PTK2: variants seen among roughly 807,000 people sequenced by gnomAD.
The protein encoded by PTK2 is focal adhesion kinase 1.
A neutral mutation model predicts 150.1 loss-of-function variants in PTK2; 45 were observed. The ratio of observed to expected loss-of-function variants is 0.30; its 90% CI spans 0.24 to 0.38. The LOEUF (loss-of-function observed/expected upper bound fraction) is 0.38. Among genes scored for constraint, PTK2 ranks in the 10% least tolerant of loss-of-function variants. PTK2 has a pLI of 1.00. For synonymous variants in PTK2, 432 were observed against 449.2 expected (o/e 0.96, Z 0.48); for missense variants, 919 against 1,307.3 (o/e 0.70, Z 4.58).
chr8:140,918,328 C>T (rs930479726), intron 2 of PTK2, among the ~76,000 whole-genome samples: 3 of 152,188 alleles, frequency 2.0e-5, no homozygotes, highest in African/African-American at 7.2e-5. Context: ...ACTCTTTAGT[C>T]CTTCCTAGCC....
intron 16 of PTK2, among the ~76,000 whole-genome samples, chr8:140,759,550 A>G (rs1490562340): frequency 1.3e-5 from 2 of 150,780 alleles, no homozygotes; most frequent in Non-Finnish European, 3.0e-5. Flanking sequence ...AAAAAAAAAA[A>G]AAAAGAAAGA....
chr8:140,739,043 G>A, exon 21 of PTK2: 1 of 1,578,406 alleles, frequency 6.3e-7, no homozygotes, highest in Non-Finnish European at 8.6e-7. Flanking sequence ...CACTAGCTGA[G>A]GTAAAACGTC....
At chr8:140,795,628 C>T (rs929380313) in intron 12 of PTK2, among the ~76,000 whole-genome samples, 3 of 152,312 alleles carry the variant, frequency 2.0e-5, no homozygotes, top group African/African-American at 4.8e-5. Flanking sequence ...GTTTATCGCA[C>T]GTATGTCCTC....
chr8:140,806,766 T>G (rs1307823979), intron 10 of PTK2, among the ~76,000 whole-genome samples: 2 of 152,142 alleles, frequency 1.3e-5, no homozygotes, highest in African/African-American at 4.8e-5. Flanking sequence ...AAGATATTGA[T>G]AGAGATTTTA....
chr8:140,789,881 A>C (rs1024996209), intron 13 of PTK2, among the ~76,000 whole-genome samples: 7 of 152,236 alleles, frequency 4.6e-5, no homozygotes, highest in African/African-American at 1.4e-4. Context: ...GAGAAAAAAA[A>C]CATACACCTG....
At chr8:140,677,008 T>TAAA (rs1266463452) in intron 27 of PTK2, among the ~76,000 whole-genome samples, 1 of 150,646 alleles carries the variant, frequency 6.6e-6, no homozygotes, top group Non-Finnish European at 1.5e-5. Flanking sequence ...ATGGTTATAC[T>TAAA]AAAAGCCCAG....
intron 10 of PTK2, among the ~76,000 whole-genome samples, chr8:140,814,776 CT>C (rs1167413529): frequency 2.2e-3 from 315 of 141,824 alleles, no homozygotes; most frequent in East Asian, 3.3e-3. Flanking sequence ...ATAAATTGTT[CT>C]TTTTTTTTTT....
chr8:140,865,436 G>C (rs545445708), intron 4 of PTK2, among the ~76,000 whole-genome samples: 46 of 152,186 alleles, frequency 3.0e-4, no homozygotes, highest in African/African-American at 1.1e-3. Flanking sequence ...TTGATTTGTA[G>C]GTGTTCTTTA....
At chr8:140,977,813 A>G (rs944522288) in intron 1 of PTK2, among the ~76,000 whole-genome samples, 4 of 152,190 alleles carry the variant, frequency 2.6e-5, no homozygotes, top group Non-Finnish European at 4.4e-5. Context: ...TACTCATCAT[A>G]AAGGAAAAAA....
intron 7 of PTK2, among the ~76,000 whole-genome samples, chr8:140,842,216 G>A (rs1311095830): frequency 1.3e-5 from 2 of 151,996 alleles, no homozygotes; most frequent in Non-Finnish European, 1.5e-5. Context: ...TGACACTGTA[G>A]TTTCACTTTT....
At chr8:140,965,492 C>A (rs143410024) in intron 1 of PTK2, among the ~76,000 whole-genome samples, 1 of 152,314 alleles carries the variant, frequency 6.6e-6, no homozygotes, top group Non-Finnish European at 1.5e-5. Context: ...AGAGACATGA[C>A]CCTACCCCAA....
At chr8:140,719,529 C>T (rs1419280033) in intron 22 of PTK2, among the ~76,000 whole-genome samples, 1 of 152,144 alleles carries the variant, frequency 6.6e-6, no homozygotes, top group East Asian at 1.9e-4. Context: ...GAGCGCTCCC[C>T]TCCGCTGCTG....
chr8:140,960,398 C>G (rs185419347), intron 1 of PTK2, among the ~76,000 whole-genome samples: 22 of 151,940 alleles, frequency 1.4e-4, no homozygotes, highest in African/African-American at 4.3e-4. Flanking sequence ...TTAGTAGAGA[C>G]GGGGTTTCAC....
At chr8:140,701,692 A>G (rs1447800588) in intron 25 of PTK2, among the ~76,000 whole-genome samples, 2 of 152,214 alleles carry the variant, frequency 1.3e-5, no homozygotes, top group Admixed American at 1.3e-4. Context: ...GTACATGCTG[A>G]CGATAGTCCA....
intron 1 of PTK2, among the ~76,000 whole-genome samples, chr8:140,995,867 A>G (rs2100197522): frequency 6.6e-6 from 1 of 152,220 alleles, no homozygotes; most frequent in Non-Finnish European, 1.5e-5. Context: ...AATGCAAAGG[A>G]AAAGTTATTG....
At chr8:140,951,448 T>C (rs1010944135) in intron 1 of PTK2, among the ~76,000 whole-genome samples, 1 of 152,164 alleles carries the variant, frequency 6.6e-6, no homozygotes, top group African/African-American at 2.4e-5. Context: ...CTTACACATA[T>C]GGACTGACCA....
At chr8:140,660,717 C>CCATT (rs1225935739) in intron 31 of PTK2, 1 of 428,206 alleles carries the variant, frequency 2.3e-6, no homozygotes, top group African/African-American at 2.0e-5. Context: ...CAGAGCCAGA[C>CCATT]CATTATGTAC....
intron 1 of PTK2, among the ~76,000 whole-genome samples, chr8:140,966,875 A>C (rs1044527766): frequency 6.6e-6 from 1 of 152,154 alleles, no homozygotes; most frequent in Non-Finnish European, 1.5e-5. Context: ...TCCATACCAC[A>C]CTAAATCTGT....
chr8:140,694,540 A>C lies in PTK2; in HGVS notation c.2499+6351T>G, dbSNP rs533396433. On this transcript the variant is annotated intron_variant, in intron 26 of 31. Transcript: ENST00000522684. ...GCAGTCTGAGAAGCCCTGTATTGGA[A>C]GTTTCCTTGGCCTAACAGGAGAGAA... Among the ~76,000 whole-genome samples, 3 of 152,300 alleles carry C rather than the reference A, an allele frequency of 2.0e-5. No individual in the cohort carries two copies. The South Asian group carries it at 6.2e-4, about 32-fold the overall frequency.
Sources: allele counts gnomAD v4.1 joint callset (sites outside exome capture counted in the v4.1 genomes callset), GRCh38; gene constraint gnomAD v4.1.1; transcripts MANE v1.5; gene names NCBI Gene and HGNC (gene_info 2026-07-23, HGNC 2026-07-21).